DOCK2: variants seen among roughly 807,000 people sequenced by gnomAD.
DOCK2 encodes dedicator of cytokinesis 2, also known as dedicator of cytokinesis protein 2.
In DOCK2, 87 loss-of-function variants were observed where a neutral mutation model predicts 248.9. That is an observed-to-expected ratio of 0.35 (90% CI 0.29 to 0.42). DOCK2 has a LOEUF of 0.42. DOCK2 is among the 10% of genes least tolerant of loss of function. DOCK2 has a pLI of 1.00. For missense variants in DOCK2, 1,747 were observed against 2,300.2 expected (o/e 0.76, Z 4.92); for synonymous variants, 805 against 821.6 (o/e 0.98, Z 0.35).
chr5:170,025,581 C>T (rs548322537), intron 33 of DOCK2, among the ~76,000 whole-genome samples: 1 of 152,336 alleles, frequency 6.6e-6, no homozygotes, highest in Admixed American at 6.5e-5. Context: ...AGCTGTATTT[C>T]TTCCTGCTCT....
intron 26 of DOCK2, among the ~76,000 whole-genome samples, chr5:169,806,931 C>A (rs1415146841): frequency 6.6e-6 from 1 of 151,252 alleles, no homozygotes; most frequent in East Asian, 2.0e-4. Flanking sequence ...CCCTCCTCAC[C>A]CTTCAATGCC....
At chr5:169,796,319 T>C (rs1180128353) in intron 25 of DOCK2, among the ~76,000 whole-genome samples, 1 of 152,052 alleles carries the variant, frequency 6.6e-6, no homozygotes, top group African/African-American at 2.4e-5. Flanking sequence ...GTCCATCTTG[T>C]CTTATGTTTT....
At chr5:169,772,015 C>T (rs774948050) in intron 25 of DOCK2, among the ~76,000 whole-genome samples, 3 of 152,202 alleles carry the variant, frequency 2.0e-5, no homozygotes, top group Non-Finnish European at 4.4e-5. Context: ...CTCCTTTCTC[C>T]ATGCCAGTGT....
chr5:169,761,647 TG>T, intron 25 of DOCK2, 22 bp downstream of exon 25: 2 of 1,607,244 alleles, frequency 1.2e-6, no homozygotes, highest in South Asian at 1.1e-5. Flanking sequence ...GCACCCTTGC[TG>T]GGGTGGGGTA....
At chr5:170,079,963 G>C (rs1434545072) in intron 49 of DOCK2, 200 bp from the exon 50 acceptor site, 5 of 712,766 alleles carry the variant, frequency 7.0e-6, no homozygotes, top group Middle Eastern at 3.2e-4. Flanking sequence ...ACCCCCGCCT[G>C]TAGTTGTGTA....
At position 169,716,207 on chromosome 5, in the gene DOCK2, T is replaced by G. The variant is rs757121157; in HGVS notation, c.1942-6T>G. 6.2e-7 allele frequency: 1 copy of G among 1,613,254 alleles called. No homozygotes were observed. The highest frequency in any genetic ancestry group is 1.7e-5 in the Admixed American group (1 of 60,006). ...GAAGTAGTGCAACCTTTGTTATTTCTTCCAGTTTCTCCAGGATACTCTGGA... is the reference window on the plus strand; with the variant it reads ...GAAGTAGTGCAACCTTTGTTATTTCGTCCAGTTTCTCCAGGATACTCTGGA... On this transcript the variant is annotated splice_polypyrimidine_tract_variant and splice_region_variant and intron_variant, in intron 19 of 51. Coordinates refer to ENST00000520908, the MANE Select transcript of DOCK2 (RefSeq NM_004946.3).
intron 27 of DOCK2, among the ~76,000 whole-genome samples, chr5:169,934,407 C>A (rs575372748): frequency 6.6e-6 from 1 of 152,324 alleles, no homozygotes; most frequent in South Asian, 2.1e-4. Flanking sequence ...TATCCGCATG[C>A]CCGTGAATCA....
chr5:169,828,476 G>A (rs1450827627), intron 26 of DOCK2, among the ~76,000 whole-genome samples: 1 of 152,148 alleles, frequency 6.6e-6, no homozygotes, highest in Non-Finnish European at 1.5e-5. Flanking sequence ...GAAAAATGAG[G>A]ATAGTAGACC....
intron 27 of DOCK2, among the ~76,000 whole-genome samples, chr5:169,937,276 G>GA (rs1190620816): frequency 1.3e-5 from 2 of 152,174 alleles, no homozygotes; most frequent in Non-Finnish European, 2.9e-5. Context: ...GGCCCTTTAA[G>GA]AAAAAAATCT....
intron 27 of DOCK2, among the ~76,000 whole-genome samples, chr5:169,963,400 A>G (rs1029605932): frequency 6.6e-6 from 1 of 152,144 alleles, no homozygotes. Flanking sequence ...CTCCCCATCC[A>G]GAGAGTCATA....
At chr5:169,661,596 C>T (rs1758449575) in intron 2 of DOCK2, among the ~76,000 whole-genome samples, 1 of 152,180 alleles carries the variant, frequency 6.6e-6, no homozygotes, top group African/African-American at 2.4e-5. Context: ...TAACCTCTAA[C>T]CTACGTTTCC....
intron 10 of DOCK2, among the ~76,000 whole-genome samples, chr5:169,696,290 A>G (rs1760622117): frequency 6.6e-6 from 1 of 152,246 alleles, no homozygotes; most frequent in South Asian, 2.1e-4. Context: ...AAGTACATCT[A>G]GGACAGGAAA....
chr5:169,864,376 G>C (rs1030441634), intron 27 of DOCK2: 8 of 1,551,478 alleles, frequency 5.2e-6, no homozygotes, highest in South Asian at 2.4e-5. Flanking sequence ...TGGGGGCGAT[G>C]CCTCCTCAAC....
chr5:169,695,727 A>G (rs982512709), intron 9 of DOCK2, 76 bp from the exon 10 acceptor site: 14 of 1,590,030 alleles, frequency 8.8e-6, no homozygotes, highest in Middle Eastern at 1.7e-4. Flanking sequence ...AGAAATTACT[A>G]TTACTGGGTT....
At chr5:169,772,963 C>T (rs1204222218) in intron 25 of DOCK2, 4 of 152,156 alleles carry the variant, frequency 2.6e-5, no homozygotes, top group Admixed American at 6.5e-5. Context: ...AAAGTACCAT[C>T]GATTTTGAGG....
chr5:169,885,823 A>G (rs1454877392), intron 27 of DOCK2, among the ~76,000 whole-genome samples: 1 of 152,238 alleles, frequency 6.6e-6, no homozygotes, highest in Non-Finnish European at 1.5e-5. Flanking sequence ...TAACTTGCCT[A>G]AACATATCCT....
intron 26 of DOCK2, among the ~76,000 whole-genome samples, chr5:169,840,545 T>C (rs1251068130): frequency 6.6e-6 from 1 of 152,124 alleles, no homozygotes; most frequent in East Asian, 1.9e-4. Flanking sequence ...AGTGGAATTT[T>C]TTATGCCCAG....
chr5:169,903,297 A>C (rs1774049663), intron 27 of DOCK2, among the ~76,000 whole-genome samples: 1 of 141,176 alleles, frequency 7.1e-6, no homozygotes, highest in African/African-American at 2.6e-5. Flanking sequence ...TCTAAAAAAC[A>C]ACAACAACAA....
intron 8 of DOCK2, among the ~76,000 whole-genome samples, chr5:169,686,767 G>A (rs1392172509): frequency 6.6e-6 from 1 of 152,192 alleles, no homozygotes; most frequent in African/African-American, 2.4e-5. Context: ...TTTAATGTTG[G>A]ACTGAATCAC....
Sources: gnomAD v4.1 joint callset for allele counts (sites outside exome capture counted in the v4.1 genomes callset) on GRCh38, gnomAD v4.1.1 for gene constraint, MANE v1.5 for transcripts, NCBI Gene and HGNC (gene_info 2026-07-23, HGNC 2026-07-21) for gene names.